Variants in BBS1 observed in about 807,000 individuals in gnomAD.
BBS1 encodes Bardet-Biedl syndrome 1, also known as BBSome complex member BBS1.
A neutral mutation model predicts 73.9 loss-of-function variants in BBS1; 60 were observed. That is an observed-to-expected ratio of 0.81 (90% confidence interval 0.66 to 1.01). The LOEUF is 1.01. Ranked by LOEUF, BBS1 falls within the 50% of genes least tolerant of loss-of-function variation. The pLI, the probability that BBS1 is intolerant of heterozygous loss-of-function variation, is 0.00. For synonymous variants in BBS1, 283 were observed against 317.4 expected (o/e 0.89, Z 1.15); for missense variants, 718 against 770.3 (o/e 0.93, Z 0.80).
At chr11:66,522,142 G>A (rs1162160480) in intron 9 of BBS1, among the ~76,000 whole-genome samples, 2 of 148,450 alleles carry the variant, frequency 1.3e-5, no homozygotes, top group Non-Finnish European at 3.0e-5. Context: ...GCGTGAACCT[G>A]GGAGGTGGAG....
At chr11:66,528,245 T>A (rs1856607047) in intron 13 of BBS1, among the ~76,000 whole-genome samples, 1 of 152,152 alleles carries the variant, frequency 6.6e-6, no homozygotes, top group Admixed American at 6.6e-5. Flanking sequence ...CAAAGTCTAA[T>A]AAAGTTGTAA....
chr11:66,529,688 C>G lies in BBS1; in HGVS notation c.1340-131C>G. On this transcript the variant is annotated intron_variant, in intron 13 of 16. Coordinates refer to ENST00000318312, the MANE Select transcript of BBS1 (RefSeq NM_024649.5). ...TGGGCTCTTTCCCTCCTCCCCAGCTCCTGCAGACTCCTCCTGCAGCACCCT... is the reference window on the plus strand; with the variant it reads ...TGGGCTCTTTCCCTCCTCCCCAGCTGCTGCAGACTCCTCCTGCAGCACCCT... 4 of 1,178,220 alleles carry G rather than the reference C, an allele frequency of 3.4e-6. 1 individual carries two copies. The South Asian group carries it at 5.0e-5, about 15-fold the overall frequency. 73.0% of individuals were successfully genotyped at this position (1,178,220 alleles called of 1,614,324 possible). A position where few individuals can be genotyped will look rare whatever the true frequency, so the allele number is the denominator to read the frequency against.
At position 66,529,937 on chromosome 11, in the gene BBS1, C is replaced by G; in HGVS notation, c.1458C>G (p.Leu486=). Residue 486 remains leucine (L), a synonymous_variant, in exon 14 of 17, where the codon CTC becomes CTG. Transcript: ENST00000318312. ...TGTCCACGACAGCCCGAGAGCCACT[C>G]AAGCTGCACGCCGTGGTGAGCATCT... is the stretch of plus-strand genomic sequence containing the variant. The part of the protein sequence containing the change: ...SPLSTTAREP[L]KLHAVVQGLG... The G allele has an allele frequency of 6.2e-7, 1 of 1,603,756 alleles. No individual in the cohort carries two copies. The highest frequency in any genetic ancestry group is 8.5e-7 in the Non-Finnish European group (1 of 1,179,462).
chr11:66,531,856 A>T lies in BBS1; in HGVS notation c.1696-95A>T, dbSNP rs1856797840. On this transcript the variant is annotated intron_variant, in intron 16 of 16. Transcript: ENST00000318312. ...CCTGGGTGGGGGTGGGGGTATCTGC[A>T]CAGTGGAGCCCTGTGGCCTGTCATT... is the stretch of plus-strand genomic sequence containing the variant. 3 of 1,598,874 alleles carry T rather than the reference A, an allele frequency of 1.9e-6. No individual in the cohort carries two copies. In the Admixed American group the frequency reaches 5.3e-5, roughly 28 times the overall value.
At chr11:66,529,706 AGCACCCTCCTCTT>A (rs1355590763) in intron 13 of BBS1, 100 bp from the exon 14 acceptor site, 9 of 1,353,982 alleles carry the variant, frequency 6.6e-6, no homozygotes, top group African/African-American at 1.4e-5. Flanking sequence ...CTCCTCCTGC[AGCACCCTCCTCTT>A]GCACCCTCCC....
chr11:66,510,883 G>A (rs1050229811), intron 1 of BBS1, 130 bp from the exon 2 acceptor site: 30 of 1,383,190 alleles, frequency 2.2e-5, no homozygotes, highest in Admixed American at 3.4e-5. Context: ...CGGTGAGCCA[G>A]TGGCGGAGCC....
rs752185178 is a variant in BBS1, at chr11:66,514,695, G to A, written c.432+17G>A. 2 of 1,607,786 alleles carry A rather than the reference G, an allele frequency of 1.2e-6. No individual in the cohort carries two copies. The highest frequency in any genetic ancestry group is 1.7e-6 in the Non-Finnish European group (2 of 1,179,948). On this transcript the variant is annotated intron_variant, in intron 4 of 16. Transcript: ENST00000318312. ...GCCAAAGAGGTAAATAAATAACATGGGAGTTGGGAACCAGAAGGCAAAGAT... is the reference window on the plus strand; with the variant it reads ...GCCAAAGAGGTAAATAAATAACATGAGAGTTGGGAACCAGAAGGCAAAGAT...
chr11:66,522,571 C>T (rs1374174709), intron 9 of BBS1, among the ~76,000 whole-genome samples: 1 of 152,080 alleles, frequency 6.6e-6, no homozygotes, highest in Non-Finnish European at 1.5e-5. Flanking sequence ...TGGTCTCGAA[C>T]GCCTGACCTT....
At chr11:66,522,943 T>C in intron 9 of BBS1, 1 of 357,972 alleles carries the variant, frequency 2.8e-6, no homozygotes, top group South Asian at 2.1e-5. Context: ...GGGAAGAGTG[T>C]TGTAGGCCAA....
chr11:66,526,911 T>C (rs1856535534), intron 13 of BBS1, 104 bp downstream of exon 13: 2 of 1,608,698 alleles, frequency 1.2e-6, no homozygotes, highest in Admixed American at 1.7e-5. Context: ...GGAGGAGATC[T>C]CGGCCAACTA....
At position 66,531,015 on chromosome 11, in the gene BBS1, G is replaced by T. The variant is rs142648652; in HGVS notation, c.1595G>T (p.Arg532Leu). The T allele has an allele frequency of 9.9e-6, 16 of 1,614,090 alleles. No individual in the cohort carries two copies. In the Admixed American group the frequency reaches 2.0e-4, roughly 20 times the overall value. ...AACGAGGCGCTCTATTCCCTGCCCCGGGCCTTCTTCAAGGTACTGGATGCT... is the reference window on the plus strand; with the variant it reads ...AACGAGGCGCTCTATTCCCTGCCCCTGGCCTTCTTCAAGGTACTGGATGCT... Reference protein sequence around the residue: ...LYNEALYSLPRAFFKVPLLVP... With the variant: ...LYNEALYSLPLAFFKVPLLVP... The change falls in exon 15 of 17, where the codon CGG (arginine) becomes CTG (leucine). Residue 532 changes from arginine to leucine, a missense_variant. Coordinates refer to ENST00000318312, the MANE Select transcript of BBS1 (RefSeq NM_024649.5).
At chr11:66,514,752 T>A in intron 4 of BBS1, 74 bp downstream of exon 4, 3 of 1,569,042 alleles carry the variant, frequency 1.9e-6, no homozygotes, top group Non-Finnish European at 2.6e-6. Context: ...GCTGGGCTCC[T>A]GGGAAGAACG....
In BBS1 at chr11:66,511,207, C is replaced by G. The variant is rs1855936862; in HGVS notation, c.127C>G (p.Leu43Val). Reference sequence around the variant, plus strand: ...GTTTTGGCCCTTTTGTTTTCCAGCGCTGGCAGATTTACATGGGGATGGGGA... The same window carrying G: ...GTTTTGGCCCTTTTGTTTTCCAGCGGTGGCAGATTTACATGGGGATGGGGA... ...NIHTFSACLA[L>V]ADLHGDGEYK... is the part of the protein sequence containing the mutation. Residue 43 changes from leucine (L) to valine (V), a missense_variant and splice_region_variant, in exon 3 of 17, where the codon CTG becomes GTG. By Grantham distance (32) the Leu-to-Val change is conservative. Coordinates refer to ENST00000318312, the MANE Select transcript of BBS1 (RefSeq NM_024649.5). The G allele has an allele frequency of 6.2e-7, 1 of 1,613,910 alleles. No homozygotes were observed. The highest frequency in any genetic ancestry group is 1.3e-5 in the African/African-American group (1 of 74,844).
chr11:66,524,297 G>A (rs574111512), intron 11 of BBS1: 15 of 332,452 alleles, frequency 4.5e-5, no homozygotes, highest in Non-Finnish European at 8.8e-5. Context: ...AAAAAAATGT[G>A]TTGAGCACCT....
At chr11:66,521,067 C>G in intron 8 of BBS1, 1 of 613,832 alleles carries the variant, frequency 1.6e-6, no homozygotes. Context: ...GAAGTGGCAT[C>G]GTTTAGTCAA....
At chr11:66,514,310 GGAAT>G in intron 3 of BBS1, 92 bp from the exon 4 acceptor site, 2 of 1,495,006 alleles carry the variant, frequency 1.3e-6, no homozygotes, top group African/African-American at 1.4e-5. Flanking sequence ...TATTGGTGCA[GGAAT>G]GAATGAATGT....
At chr11:66,527,070 ATT>A in intron 13 of BBS1, 1 of 1,508,614 alleles carries the variant, frequency 6.6e-7, no homozygotes, top group Admixed American at 2.0e-5. Context: ...AAACGCAGGA[ATT>A]CTCATGAGGA....
intron 4 of BBS1, among the ~76,000 whole-genome samples, chr11:66,514,980 G>A (rs1856018256): frequency 6.6e-6 from 1 of 152,010 alleles, no homozygotes; most frequent in African/African-American, 2.4e-5. Flanking sequence ...CACGCCTGGC[G>A]AATTTTTTGT....
intron 13 of BBS1, among the ~76,000 whole-genome samples, 174 bp from the exon 14 acceptor site, chr11:66,529,645 C>T (rs145942922): frequency 4.0e-5 from 6 of 151,792 alleles, no homozygotes; most frequent in Non-Finnish European, 8.8e-5. Context: ...GCCACGGCGT[C>T]GAGTTTTGCC....
Sources: gnomAD v4.1 joint callset for allele counts (sites outside exome capture counted in the v4.1 genomes callset) on GRCh38, gnomAD v4.1.1 for gene constraint, MANE v1.5 for transcripts, NCBI Gene and HGNC (gene_info 2026-07-23, HGNC 2026-07-21) for gene names.